Variants in IPO5 observed in about 807,000 individuals in gnomAD.
IPO5 encodes importin 5.
A neutral mutation model predicts 143.3 loss-of-function variants in IPO5; 18 were observed. The ratio of observed to expected loss-of-function variants is 0.13; its 90% CI spans 0.09 to 0.19. The LOEUF is 0.19. Ranked by LOEUF, IPO5 falls within the 10% of genes least tolerant of loss-of-function variation. IPO5 has a pLI of 1.00. For synonymous variants in IPO5, 477 were observed against 465.7 expected, an observed-to-expected ratio of 1.02 and a Z score of -0.31; for missense variants, 1,013 against 1,336.9, an observed-to-expected ratio of 0.76 and a Z score of 3.78.
At chr13:97,984,274 G>A (rs992006349) in intron 5 of IPO5, among the ~76,000 whole-genome samples, 13 of 152,044 alleles carry the variant, frequency 8.6e-5, no homozygotes, top group Admixed American at 2.0e-4. Context: ...CACCGCGCCC[G>A]GCCTAGGGTA....
chr13:97,971,359 A>C (rs569373376), intron 3 of IPO5, among the ~76,000 whole-genome samples: 3 of 152,304 alleles, frequency 2.0e-5, no homozygotes, highest in African/African-American at 7.2e-5. Flanking sequence ...CAGAGCAGGA[A>C]CTTGAAAGTT....
intron 11 of IPO5, among the ~76,000 whole-genome samples, chr13:97,996,391 C>G (rs907635911): frequency 2.0e-5 from 3 of 152,052 alleles, no homozygotes; most frequent in African/African-American, 7.2e-5. Flanking sequence ...GCTAATGAAC[C>G]CTGCTAAGTC....
At chr13:98,010,263 T>A in intron 20 of IPO5, 39 bp downstream of exon 20, 1 of 1,582,836 alleles carries the variant, frequency 6.3e-7, no homozygotes, top group Non-Finnish European at 8.6e-7. Flanking sequence ...TTATTTTACA[T>A]CTTATATACA....
intron 17 of IPO5, among the ~76,000 whole-genome samples, chr13:98,006,907 C>T (rs1889308752): frequency 6.7e-6 from 1 of 149,190 alleles, no homozygotes; most frequent in Non-Finnish European, 1.5e-5. Context: ...ACTCTATCAC[C>T]CAGGCTGGAG....
At position 98,016,862 on chromosome 13, in the gene IPO5, C is replaced by T; in HGVS notation, c.2616+11C>T. ...ATTGTCAACCTCATTGTAAGTGTTACCTCTCTTAATAGTTGTTTTGCGTAG... is the reference window on the plus strand; with the variant it reads ...ATTGTCAACCTCATTGTAAGTGTTATCTCTCTTAATAGTTGTTTTGCGTAG... On this transcript the variant is annotated intron_variant, in intron 25 of 28. Coordinates refer to ENST00000651721, the MANE Select transcript of IPO5 (RefSeq NM_002271.6). The T allele has an allele frequency of 6.5e-7, 1 of 1,529,294 alleles. No individual in the cohort carries two copies. The highest frequency in any genetic ancestry group is 8.7e-7 in the Non-Finnish European group (1 of 1,145,684). 94.7% of individuals were successfully genotyped at this position (1,529,294 alleles called of 1,614,324 possible).
At chr13:97,973,040 T>TAG (rs1885958542) in intron 3 of IPO5, among the ~76,000 whole-genome samples, 1 of 764 alleles carries the variant, frequency 1.3e-3, no homozygotes, top group Admixed American at 0.023. Context: ...TTTATCTTCT[T>TAG]TTTTTTTTTT....
chr13:97,958,288 G>A (rs1415956485), intron 2 of IPO5, among the ~76,000 whole-genome samples: 1 of 152,000 alleles, frequency 6.6e-6, no homozygotes, highest in East Asian at 1.9e-4. Context: ...CCACGTGGCT[G>A]TTTCCTGTGT....
chr13:98,019,871 C>A, intron 27 of IPO5, 62 bp downstream of exon 27: 1 of 1,109,806 alleles, frequency 9.0e-7, no homozygotes, highest in Non-Finnish European at 1.4e-6. Context: ...GTTTTTCTTG[C>A]CTAACATCAG....
At chr13:97,986,964 C>G (rs1037053573) in intron 6 of IPO5, 3 of 152,996 alleles carry the variant, frequency 2.0e-5, no homozygotes, top group Non-Finnish European at 4.4e-5. Flanking sequence ...TGATGATGAG[C>G]CTTTTGAAGA....
intron 4 of IPO5, 68 bp downstream of exon 4, chr13:97,976,854 G>T: frequency 1.7e-6 from 1 of 586,508 alleles, no homozygotes; most frequent in Non-Finnish European, 2.6e-6. Flanking sequence ...GACGCCAGCC[G>T]CACCGGGCCT....
chr13:98,010,095 G>C lies in IPO5; in HGVS notation c.1934-8G>C, dbSNP rs530767413. On this transcript the variant is annotated splice_region_variant and splice_polypyrimidine_tract_variant and intron_variant, in intron 19 of 28. Coordinates refer to ENST00000651721, the MANE Select transcript of IPO5 (RefSeq NM_002271.6). Reference sequence around the variant, plus strand: ...TTCATATGCATTTGTTTTCTTCTCCGTTAATAGCCCAAGACATGGAGAATA... The same window carrying C: ...TTCATATGCATTTGTTTTCTTCTCCCTTAATAGCCCAAGACATGGAGAATA... 6.2e-7 allele frequency: 1 copy of C among 1,613,736 alleles called. No homozygotes were observed. The highest frequency in any genetic ancestry group is 1.7e-5 in the Admixed American group (1 of 59,956).
At chr13:98,010,727 T>A (rs1167842728) in intron 20 of IPO5, among the ~76,000 whole-genome samples, 2 of 151,876 alleles carry the variant, frequency 1.3e-5, no homozygotes, top group East Asian at 3.9e-4. Flanking sequence ...GTTTAGTTCC[T>A]AGTTTTCTTT....
At chr13:97,955,988 C>T (rs560716426) in intron 2 of IPO5, among the ~76,000 whole-genome samples, 12 of 151,846 alleles carry the variant, frequency 7.9e-5, no homozygotes, top group Non-Finnish European at 1.8e-4. Flanking sequence ...AAAAATTAGC[C>T]GGGCGTGGTG....
intron 25 of IPO5, among the ~76,000 whole-genome samples, chr13:98,017,824 A>T (rs113854806): frequency 1.3e-5 from 2 of 150,926 alleles, no homozygotes; most frequent in Non-Finnish European, 1.5e-5. Flanking sequence ...TTGTATTTTT[A>T]GTTGTGTTTT....
chr13:98,009,956 G>C lies in IPO5; in HGVS notation c.1876G>C (p.Val626Leu), dbSNP rs1281825523. The C allele has an allele frequency of 4.3e-6, 7 of 1,614,000 alleles. No homozygotes were observed. The highest frequency in any genetic ancestry group is 5.9e-6 in the Non-Finnish European group (7 of 1,180,002). Residue 626 changes from valine to leucine, a missense_variant, in exon 19 of 29, where the codon GTT becomes CTT. This residue lies in a region of IPO5 where 685 missense variants were observed against 994.9 expected (regional missense o/e 0.69). Transcript: ENST00000651721. ...GKEFQQYLPV[V>L]MGPLMKTASI... The stretch of plus-strand genomic sequence containing the variant: ...AGAATTTCAGCAATACCTTCCAGTG[G>C]TTATGGGGCCTTTAATGAAGACGGC...
At chr13:97,960,673 C>T (rs1436212769) in intron 2 of IPO5, among the ~76,000 whole-genome samples, 1 of 151,862 alleles carries the variant, frequency 6.6e-6, no homozygotes, top group Non-Finnish European at 1.5e-5. Flanking sequence ...ATTCTCCTGC[C>T]TCAGCCTCTT....
chr13:97,995,947 C>G (rs996590657), intron 11 of IPO5, among the ~76,000 whole-genome samples: 12 of 151,922 alleles, frequency 7.9e-5, no homozygotes, highest in Admixed American at 7.9e-4. Flanking sequence ...TTGGCAAATG[C>G]GAAAACAATT....
chr13:97,992,607 GT>G lies in IPO5; in HGVS notation c.670-284del, dbSNP rs892025295. On this transcript the variant is annotated intron_variant, in intron 9 of 28. Coordinates refer to ENST00000651721, the MANE Select transcript of IPO5 (RefSeq NM_002271.6). ...AAGGGACTCCTGGTTATAAAAAAAAGTAATTCCTTGGTAGCCTTAAGTATTG... is the reference window on the plus strand; with the variant it reads ...AAGGGACTCCTGGTTATAAAAAAAAGAATTCCTTGGTAGCCTTAAGTATTG... Among the ~76,000 whole-genome samples the G allele has an allele frequency of 4.6e-5, 7 of 152,272 alleles. 1 individual carries two copies. Among genetic ancestry groups the G allele is most frequent in the Admixed American group, 6.5e-5 (1 of 15,284 alleles).
chr13:98,013,161 T>G (rs1202142070), intron 21 of IPO5, among the ~76,000 whole-genome samples: 1 of 152,164 alleles, frequency 6.6e-6, no homozygotes, highest in Non-Finnish European at 1.5e-5. Context: ...GTTCAAGCGA[T>G]TCTTCTGCCT....
Sources: gnomAD v4.1 joint callset for allele counts (sites outside exome capture counted in the v4.1 genomes callset) on GRCh38, gnomAD v4.1.1 for gene constraint, gnomAD v4.1.1 regional missense constraint, MANE v1.5 for transcripts, NCBI Gene and HGNC (gene_info 2026-07-23, HGNC 2026-07-21) for gene names.